PCCA: variants seen among roughly 807,000 people sequenced by gnomAD.
The protein encoded by PCCA is propionyl-CoA carboxylase alpha chain, mitochondrial.
A neutral mutation model predicts 101.3 loss-of-function variants in PCCA; 74 were observed. That is an observed-to-expected ratio of 0.73 (90% CI 0.61 to 0.89). PCCA has a LOEUF of 0.89. Among genes scored for constraint, PCCA ranks in the 40% least tolerant of loss-of-function variants. The probability of loss-of-function intolerance (pLI) is 0.00; values close to 1 mark genes in which losing one functional copy is unlikely to be tolerated. For missense variants in PCCA, 891 were observed against 907.0 expected (o/e 0.98, Z 0.23); for synonymous variants, 294 against 313.6 (o/e 0.94, Z 0.66).
chr13:100,340,137 G>A lies in PCCA; in HGVS notation c.1541-20G>A. 1 of 1,191,348 alleles carries A rather than the reference G, an allele frequency of 8.4e-7. No homozygotes were observed. Among genetic ancestry groups the A allele is most frequent in the Non-Finnish European group, 1.3e-6 (1 of 793,918 alleles). The allele number at this position is 1,191,348 out of a possible 1,614,324, so 73.8% of individuals were successfully genotyped here. The stretch of plus-strand genomic sequence containing the variant: ...AAAATAAATGATTGATTGATTGATT[G>A]GTTGATTGATTTCCCTCAGGACACA... On this transcript the variant is annotated intron_variant, in intron 17 of 23. Transcript: ENST00000376285.
chr13:100,285,920 G>A (rs1287073717), intron 12 of PCCA, among the ~76,000 whole-genome samples: 1 of 152,170 alleles, frequency 6.6e-6, no homozygotes, highest in Non-Finnish European at 1.5e-5. Context: ...TCTTACCCCA[G>A]AGACCAGTGC....
At chr13:100,254,123 G>A (rs1479067304) in intron 8 of PCCA, among the ~76,000 whole-genome samples, 1 of 152,054 alleles carries the variant, frequency 6.6e-6, no homozygotes, top group East Asian at 1.9e-4. Flanking sequence ...GAGAATGAGT[G>A]CCAGCAGGGG....
intron 19 of PCCA, among the ~76,000 whole-genome samples, chr13:100,416,503 T>G (rs2078370747): frequency 6.7e-6 from 1 of 148,208 alleles, no homozygotes; most frequent in Non-Finnish European, 1.5e-5. Context: ...TTGAACTTGT[T>G]TTAAATATCT....
At chr13:100,488,339 C>T (rs926165983) in intron 21 of PCCA, among the ~76,000 whole-genome samples, 37 of 152,120 alleles carry the variant, frequency 2.4e-4, no homozygotes, top group African/African-American at 8.9e-4. Context: ...GTGATCCACC[C>T]GCCTCGGCTT....
intron 20 of PCCA, among the ~76,000 whole-genome samples, chr13:100,432,138 C>T (rs2079599315): frequency 6.6e-6 from 1 of 150,872 alleles, no homozygotes; most frequent in Non-Finnish European, 1.5e-5. Flanking sequence ...AAGCAAGACT[C>T]CATCTCAAAA....
chr13:100,196,251 T>C (rs2058092833), intron 6 of PCCA, among the ~76,000 whole-genome samples: 1 of 152,176 alleles, frequency 6.6e-6, no homozygotes. Context: ...CCGAAACATT[T>C]AATAAAAGAA....
At chr13:100,413,899 T>G (rs553481000) in intron 19 of PCCA, among the ~76,000 whole-genome samples, 118 of 152,334 alleles carry the variant, frequency 7.7e-4, no homozygotes, top group African/African-American at 2.6e-3. Flanking sequence ...CAGTGTGATC[T>G]GCAGAGAATG....
intron 19 of PCCA, among the ~76,000 whole-genome samples, chr13:100,410,095 G>A (rs149785460): frequency 5.4e-4 from 82 of 152,202 alleles, no homozygotes; most frequent in African/African-American, 1.8e-3. Context: ...CAACAAACCC[G>A]TTTCTATGGC....
chr13:100,426,182 A>T (rs984469640), intron 20 of PCCA, among the ~76,000 whole-genome samples: 1 of 152,190 alleles, frequency 6.6e-6, no homozygotes, highest in African/African-American at 2.4e-5. Flanking sequence ...ATCTTAACTT[A>T]TTAATCTTTC....
chr13:100,492,457 A>G (rs192865372), intron 21 of PCCA, among the ~76,000 whole-genome samples: 70 of 152,008 alleles, frequency 4.6e-4, no homozygotes, highest in Non-Finnish European at 9.4e-4. Flanking sequence ...CTAAGCAGTA[A>G]GAGACAGTGG....
chr13:100,482,058 G>A (rs568438127), intron 21 of PCCA, among the ~76,000 whole-genome samples: 3 of 152,338 alleles, frequency 2.0e-5, no homozygotes, highest in Admixed American at 6.5e-5. Context: ...TAATATGATT[G>A]ATGTGTATTG....
intron 4 of PCCA, among the ~76,000 whole-genome samples, chr13:100,137,427 T>C (rs2051315786): frequency 6.6e-6 from 1 of 152,262 alleles, no homozygotes; most frequent in South Asian, 2.1e-4. Flanking sequence ...CTTGTCTTTC[T>C]TTTGAGAGTC....
At position 100,185,318 on chromosome 13, in the gene PCCA, TTC is replaced by T. The variant is rs1267033892; in HGVS notation, c.469-24008_469-24007del. ...AAATTTGCTTTCTGTCTTTGTTTCTTTCTCTCTTTTTATCTTTTCTTTCTTTC... is the reference window on the plus strand; with the variant it reads ...AAATTTGCTTTCTGTCTTTGTTTCTTTCTCTTTTTATCTTTTCTTTCTTTC... On this transcript the variant is annotated intron_variant, in intron 6 of 23. Transcript: ENST00000376285. Among the ~76,000 whole-genome samples the T allele has an allele frequency of 4.6e-5, 7 of 152,256 alleles. No homozygotes were observed. In the East Asian group the frequency reaches 1.2e-3, roughly 25 times the overall value.
At chr13:100,178,406 C>G (rs1266029547) in intron 6 of PCCA, among the ~76,000 whole-genome samples, 2 of 152,146 alleles carry the variant, frequency 1.3e-5, no homozygotes, top group Admixed American at 6.5e-5. Flanking sequence ...ATTTTGATGC[C>G]TGATAACTTC....
At chr13:100,254,233 C>T (rs374704963) in intron 8 of PCCA, among the ~76,000 whole-genome samples, 19 of 152,238 alleles carry the variant, frequency 1.2e-4, no homozygotes, top group African/African-American at 4.3e-4. Context: ...AGTCACCTCC[C>T]GCCAGGTCCC....
intron 16 of PCCA, among the ~76,000 whole-genome samples, chr13:100,324,106 A>G (rs993359034): frequency 2.0e-5 from 3 of 152,236 alleles, no homozygotes; most frequent in Non-Finnish European, 2.9e-5. Context: ...ACCTCTGTTT[A>G]CTTTGACTTC....
rs777836240 is a variant in PCCA, at chr13:100,458,440, T to TACACAC, written c.1899+9176_1899+9181dup. Among the ~76,000 whole-genome samples the TACACAC allele has an allele frequency of 1.1e-3, 133 of 118,832 alleles. 1 individual carries two copies. The highest frequency in any genetic ancestry group is 3.0e-3 in the African/African-American group (86 of 28,642). The allele number at this position is 118,832 out of a possible 152,430, so 78.0% of individuals were successfully genotyped here. Reference sequence around the variant, plus strand: ...CTCTGCGCGCACACACACACACACATACACACACACACACACACACACACA... The same window carrying TACACAC: ...CTCTGCGCGCACACACACACACACATACACACACACACACACACACACACACACACA... On this transcript the variant is annotated intron_variant, in intron 21 of 23. Transcript: ENST00000376285.
intron 12 of PCCA, among the ~76,000 whole-genome samples, chr13:100,291,895 C>G (rs892585953): frequency 2.6e-5 from 4 of 152,220 alleles, no homozygotes; most frequent in Admixed American, 6.5e-5. Flanking sequence ...ACATTCTTCC[C>G]TAGAGTTCTC....
chr13:100,496,430 C>A (rs1023773056), intron 21 of PCCA, among the ~76,000 whole-genome samples: 3 of 151,996 alleles, frequency 2.0e-5, no homozygotes, highest in African/African-American at 7.3e-5. Context: ...TGTCAAATGG[C>A]TCTCAATTTG....
Sources: gnomAD v4.1 joint callset for allele counts (sites outside exome capture counted in the v4.1 genomes callset) on GRCh38, gnomAD v4.1.1 for gene constraint, MANE v1.5 for transcripts, NCBI Gene and HGNC (gene_info 2026-07-23, HGNC 2026-07-21) for gene names.